Variants in PDZD8 observed in about 807,000 individuals in gnomAD.
The protein encoded by PDZD8 is PDZ domain containing 8.
A neutral mutation model predicts 85.8 loss-of-function variants in PDZD8; 14 were observed. That is an observed-to-expected ratio of 0.16 (90% CI 0.11 to 0.26). The LOEUF (loss-of-function observed/expected upper bound fraction) is 0.26, where lower values mean the gene tolerates loss of function less well. PDZD8 is among the 10% of genes least tolerant of loss of function. The pLI, the probability that PDZD8 is intolerant of heterozygous loss-of-function variation, is 1.00. For missense variants in PDZD8, 1,197 were observed against 1,424.3 expected, an observed-to-expected ratio of 0.84 and a Z score of 2.57; for synonymous variants, 592 against 568.6, an observed-to-expected ratio of 1.04 and a Z score of -0.59.
At chr10:117,300,748 T>A (rs1843832989) in intron 3 of PDZD8, among the ~76,000 whole-genome samples, 1 of 152,162 alleles carries the variant, frequency 6.6e-6, no homozygotes, top group South Asian at 2.1e-4. Flanking sequence ...CCCTCTTTTA[T>A]TAGTACCCTT....
intron 1 of PDZD8, among the ~76,000 whole-genome samples, chr10:117,351,228 A>C (rs1844800520): frequency 6.6e-6 from 1 of 152,224 alleles, no homozygotes; most frequent in East Asian, 1.9e-4. Flanking sequence ...GGCATATATA[A>C]GAATATTCAT....
intron 2 of PDZD8, among the ~76,000 whole-genome samples, chr10:117,339,050 T>C (rs1048955617): frequency 3.3e-5 from 5 of 151,258 alleles, no homozygotes; most frequent in African/African-American, 1.2e-4. Context: ...CTTTTTTTGA[T>C]TTAAAAAAAA....
chr10:117,363,858 T>G (rs1845039209), intron 1 of PDZD8, among the ~76,000 whole-genome samples: 1 of 152,192 alleles, frequency 6.6e-6, no homozygotes, highest in South Asian at 2.1e-4. Context: ...ATGTGCTGAT[T>G]ACAGAATAAA....
At chr10:117,366,024 A>G (rs1845083050) in intron 1 of PDZD8, among the ~76,000 whole-genome samples, 1 of 152,102 alleles carries the variant, frequency 6.6e-6, no homozygotes, top group Non-Finnish European at 1.5e-5. Flanking sequence ...TCAGCCTGCT[A>G]TATGAAATCT....
intron 1 of PDZD8, among the ~76,000 whole-genome samples, chr10:117,361,712 C>A (rs1845001593): frequency 6.6e-6 from 1 of 152,072 alleles, no homozygotes; most frequent in African/African-American, 2.4e-5. Flanking sequence ...ACATAGCCCT[C>A]CACGTCTATG....
At position 117,280,379 on chromosome 10, in the gene PDZD8, T is replaced by C. The variant is rs1438538126; in HGVS notation, c.*2889A>G. The C allele has an allele frequency of 6.6e-6, 1 of 152,226 alleles. No homozygotes were observed. Among genetic ancestry groups the C allele is most frequent in the East Asian group, 1.9e-4 (1 of 5,204 alleles). 9.4% of individuals were successfully genotyped at this position (152,226 alleles called of 1,614,324 possible). ...CAGTCTGCAAAACAGCAATTTTGTTTAGGAAAAGTGGACTTTGTTATGCTT... is the reference window on the plus strand; with the variant it reads ...CAGTCTGCAAAACAGCAATTTTGTTCAGGAAAAGTGGACTTTGTTATGCTT... On this transcript the variant is annotated 3_prime_UTR_variant, in exon 5 of 5. Coordinates refer to ENST00000334464, the MANE Select transcript of PDZD8 (RefSeq NM_173791.5).
chr10:117,303,096 A>G (rs1198472741), intron 3 of PDZD8, among the ~76,000 whole-genome samples: 1 of 152,218 alleles, frequency 6.6e-6, no homozygotes. Flanking sequence ...AGGTTGGAAC[A>G]GTTTGGAAGG....
intron 3 of PDZD8, among the ~76,000 whole-genome samples, chr10:117,299,983 C>A (rs1448747615): frequency 2.0e-5 from 3 of 152,106 alleles, no homozygotes; most frequent in Non-Finnish European, 4.4e-5. Flanking sequence ...AACAACAGAA[C>A]CACCACTTCT....
intron 3 of PDZD8, among the ~76,000 whole-genome samples, chr10:117,310,846 A>C (rs2794437): frequency 0.95 from 145,194 of 152,230 alleles, 69,621 homozygotes; most frequent in East Asian, 1. Flanking sequence ...ATCTGCAAGG[A>C]ATCTGGCCTT....
intron 1 of PDZD8, among the ~76,000 whole-genome samples, chr10:117,361,360 CACTA>C (rs1589593428): frequency 6.6e-6 from 1 of 152,276 alleles, no homozygotes; most frequent in African/African-American, 2.4e-5. Flanking sequence ...TCCCTGTTAG[CACTA>C]ACTGTCTCTG....
At chr10:117,312,761 A>AT (rs927218807) in intron 3 of PDZD8, among the ~76,000 whole-genome samples, 31 of 151,952 alleles carry the variant, frequency 2.0e-4, no homozygotes, top group Admixed American at 1.7e-3. Context: ...AAGAACACTA[A>AT]TTTTTTTCCC....
chr10:117,344,840 G>A (rs2133853017), intron 1 of PDZD8, among the ~76,000 whole-genome samples: 1 of 152,316 alleles, frequency 6.6e-6, no homozygotes, highest in South Asian at 2.1e-4. Context: ...GTCAAGAGGA[G>A]GGGGATTCCT....
chr10:117,291,329 G>C (rs1054145935), intron 3 of PDZD8, among the ~76,000 whole-genome samples: 104 of 151,924 alleles, frequency 6.8e-4, no homozygotes, highest in African/African-American at 2.3e-3. Flanking sequence ...AGGAGATTAA[G>C]ACAATCCTGG....
chr10:117,332,387 A>T (rs1342245844), intron 2 of PDZD8, among the ~76,000 whole-genome samples: 3 of 152,154 alleles, frequency 2.0e-5, no homozygotes, highest in Non-Finnish European at 4.4e-5. Flanking sequence ...CTGAAAAGGT[A>T]ATTTATTTTA....
chr10:117,355,447 T>C (rs905666843), intron 1 of PDZD8, among the ~76,000 whole-genome samples: 23 of 152,312 alleles, frequency 1.5e-4, no homozygotes, highest in African/African-American at 5.3e-4. Flanking sequence ...CCCAACTAAA[T>C]TGTGAGTTGC....
intron 2 of PDZD8, among the ~76,000 whole-genome samples, chr10:117,336,537 A>T (rs1480429124): frequency 6.6e-6 from 1 of 152,122 alleles, no homozygotes; most frequent in Non-Finnish European, 1.5e-5. Flanking sequence ...AATAAAAAGA[A>T]TTGGGGCTCT....
chr10:117,351,589 A>G (rs1844806548), intron 1 of PDZD8, among the ~76,000 whole-genome samples: 1 of 152,266 alleles, frequency 6.6e-6, no homozygotes, highest in African/African-American at 2.4e-5. Context: ...TGATTTCATG[A>G]GTTTGTTCAC....
intron 3 of PDZD8, among the ~76,000 whole-genome samples, chr10:117,299,721 C>T (rs1303774664): frequency 6.6e-6 from 1 of 151,884 alleles, no homozygotes; most frequent in Non-Finnish European, 1.5e-5. Flanking sequence ...CATCCATATC[C>T]TATTTTTTTT....
chr10:117,312,142 C>G (rs1406619645), intron 3 of PDZD8, among the ~76,000 whole-genome samples: 1 of 152,024 alleles, frequency 6.6e-6, no homozygotes, highest in African/African-American at 2.4e-5. Context: ...AAGCTAAGGT[C>G]TAACACAAGC....
Sources: gnomAD v4.1 joint callset for allele counts (sites outside exome capture counted in the v4.1 genomes callset) on GRCh38, gnomAD v4.1.1 for gene constraint, MANE v1.5 for transcripts, NCBI Gene and HGNC (gene_info 2026-07-23, HGNC 2026-07-21) for gene names.